Variants in NAALADL2 observed in about 807,000 individuals in gnomAD.
NAALADL2 encodes the protein N-acetylated alpha-linked acidic dipeptidase like 2.
NAALADL2 carries 76 observed loss-of-function variants against 87.2 expected under a neutral mutation model. That is an observed-to-expected ratio of 0.87 (90% CI 0.72 to 1.05). The LOEUF (loss-of-function observed/expected upper bound fraction) is 1.05. Among genes scored for constraint, NAALADL2 ranks in the 50% least tolerant of loss-of-function variants. NAALADL2 has a pLI of 0.00. For missense variants in NAALADL2, 1,089 were observed against 945.8 expected (o/e 1.15, Z -1.99); for synonymous variants, 354 against 331.0 (o/e 1.07, Z -0.75).
At chr3:175,701,830 C>A (rs1256578329) in intron 11 of NAALADL2, among the ~76,000 whole-genome samples, 1 of 152,132 alleles carries the variant, frequency 6.6e-6, no homozygotes, top group Non-Finnish European at 1.5e-5. Context: ...GAATTAACTT[C>A]TCTATTTAGG....
chr3:174,544,459 T>A (rs1722540896), intron 1 of NAALADL2, among the ~76,000 whole-genome samples: 1 of 152,086 alleles, frequency 6.6e-6, no homozygotes, highest in African/African-American at 2.4e-5. Context: ...CTTTTTTGTT[T>A]AGGTTTTAGT....
chr3:175,199,856 A>G (rs1477511828), intron 2 of NAALADL2, among the ~76,000 whole-genome samples: 2 of 19,438 alleles, frequency 1.0e-4, no homozygotes, highest in African/African-American at 5.3e-4. Context: ...ATATATATAT[A>G]TATATATATT....
intron 10 of NAALADL2, among the ~76,000 whole-genome samples, chr3:175,626,522 T>G (rs1313744226): frequency 6.6e-6 from 1 of 151,878 alleles, no homozygotes; most frequent in African/African-American, 2.4e-5. Context: ...CTGTATCCTG[T>G]TCTCGCAACT....
intron 11 of NAALADL2, among the ~76,000 whole-genome samples, chr3:175,715,175 A>C (rs1029280109): frequency 6.6e-6 from 1 of 152,130 alleles, no homozygotes; most frequent in Non-Finnish European, 1.5e-5. Context: ...AGCCTAAAGA[A>C]GTAGTTTTAT....
intron 1 of NAALADL2, among the ~76,000 whole-genome samples, chr3:174,877,909 G>A (rs893831598): frequency 6.6e-6 from 1 of 152,106 alleles, no homozygotes; most frequent in Non-Finnish European, 1.5e-5. Context: ...CCCAGCATAA[G>A]TGGAATAACT....
At chr3:174,487,492 C>G (rs1717926485) in intron 1 of NAALADL2, among the ~76,000 whole-genome samples, 1 of 151,934 alleles carries the variant, frequency 6.6e-6, no homozygotes, top group Non-Finnish European at 1.5e-5. Context: ...ACCTAGAATA[C>G]TTTGATGTCA....
intron 2 of NAALADL2, among the ~76,000 whole-genome samples, chr3:174,562,851 G>A (rs1307039435): frequency 6.6e-6 from 1 of 151,886 alleles, no homozygotes; most frequent in African/African-American, 2.4e-5. Flanking sequence ...GTTTTATTGT[G>A]CTCACTATAA....
At chr3:174,483,465 G>A (rs1717683504) in intron 1 of NAALADL2, among the ~76,000 whole-genome samples, 2 of 151,998 alleles carry the variant, frequency 1.3e-5, no homozygotes. Flanking sequence ...ACCTCCATCT[G>A]TTCTCTCCCT....
intron 4 of NAALADL2, among the ~76,000 whole-genome samples, chr3:175,311,904 A>G (rs1383927031): frequency 1.3e-5 from 2 of 152,196 alleles, no homozygotes; most frequent in African/African-American, 4.8e-5. Flanking sequence ...CTTCAGATAC[A>G]TCAAGTAAAG....
intron 3 of NAALADL2, among the ~76,000 whole-genome samples, chr3:175,236,496 C>T (rs115514918): frequency 0.014 from 2,021 of 141,092 alleles, 54 homozygotes; most frequent in African/African-American, 0.051. Flanking sequence ...TGCAGTCAGC[C>T]AAGATTGCCC....
At chr3:175,447,937 G>C (rs751687570) in intron 6 of NAALADL2, among the ~76,000 whole-genome samples, 13 of 152,146 alleles carry the variant, frequency 8.5e-5, no homozygotes, top group Non-Finnish European at 1.6e-4. Context: ...GCTGCATCTT[G>C]TTCCTGCCTC....
intron 2 of NAALADL2, among the ~76,000 whole-genome samples, chr3:175,106,907 T>A (rs1723253291): frequency 8.5e-6 from 1 of 118,184 alleles, no homozygotes; most frequent in Admixed American, 8.7e-5. Flanking sequence ...ATAGATTATT[T>A]ATGCAAAAGT....
chr3:174,713,706 T>C (rs1730908144), intron 2 of NAALADL2, among the ~76,000 whole-genome samples: 1 of 151,970 alleles, frequency 6.6e-6, no homozygotes, highest in Non-Finnish European at 1.5e-5. Context: ...ATTAGCCCTT[T>C]GTCAGATGAG....
intron 7 of NAALADL2, among the ~76,000 whole-genome samples, chr3:175,464,201 G>A (rs1050451822): frequency 6.6e-6 from 1 of 151,566 alleles, no homozygotes; most frequent in African/African-American, 2.4e-5. Flanking sequence ...AAATTTAGTT[G>A]TCCAGTTTTA....
At chr3:175,406,669 G>A (rs1044903340) in intron 5 of NAALADL2, among the ~76,000 whole-genome samples, 2 of 152,094 alleles carry the variant, frequency 1.3e-5, no homozygotes, top group Admixed American at 1.3e-4. Context: ...TGGTGGGACT[G>A]TACTCCATTT....
intron 13 of NAALADL2, among the ~76,000 whole-genome samples, chr3:175,792,236 C>CATTA (rs1371544184): frequency 6.6e-6 from 1 of 152,094 alleles, no homozygotes; most frequent in Non-Finnish European, 1.5e-5. Context: ...TCCTTTAAAG[C>CATTA]ATTAATTTTT....
At chr3:174,865,691 A>T (rs1727058254) in intron 1 of NAALADL2, among the ~76,000 whole-genome samples, 1 of 151,940 alleles carries the variant, frequency 6.6e-6, no homozygotes, top group African/African-American at 2.4e-5. Flanking sequence ...ACAGGGATGT[A>T]AATAAGAAAT....
At chr3:175,690,658 A>G (rs1736926113) in intron 11 of NAALADL2, among the ~76,000 whole-genome samples, 1 of 152,014 alleles carries the variant, frequency 6.6e-6, no homozygotes, top group Non-Finnish European at 1.5e-5. Flanking sequence ...TAATACCCAC[A>G]TTCTCTGAAT....
intron 1 of NAALADL2, among the ~76,000 whole-genome samples, chr3:174,932,162 A>G (rs1017388183): frequency 2.0e-5 from 3 of 152,166 alleles, no homozygotes; most frequent in Non-Finnish European, 2.9e-5. Context: ...TTCTTTCACC[A>G]TAACTGCAGA....
Sources: gnomAD v4.1 joint callset for allele counts (sites outside exome capture counted in the v4.1 genomes callset) on GRCh38, gnomAD v4.1.1 for gene constraint, MANE v1.5 for transcripts, NCBI Gene and HGNC (gene_info 2026-07-23, HGNC 2026-07-21) for gene names.